The following PARD3B variants were observed in gnomAD, a reference collection of about 807,000 sequenced individuals.
PARD3B encodes the protein par-3 family cell polarity regulator beta.
PARD3B carries 103 observed loss-of-function variants against 130.2 expected under a neutral mutation model. The observed-to-expected ratio is 0.79, with a 90% confidence interval of 0.67 to 0.93. PARD3B has a LOEUF of 0.93. Among genes scored for constraint, PARD3B ranks in the 40% least tolerant of loss-of-function variants. The pLI is 0.00. For missense variants in PARD3B, 1,609 were observed against 1,499.2 expected, an observed-to-expected ratio of 1.07 and a Z score of -1.21; for synonymous variants, 583 against 553.2, an observed-to-expected ratio of 1.05 and a Z score of -0.76.
Position 204,919,506 on chromosome 2 carries a change from G to T in PARD3B, c.223-45646G>T, listed in dbSNP as rs568777230. Among the ~76,000 whole-genome samples the T allele has an allele frequency of 2.6e-5, 4 of 152,280 alleles. No individual in the cohort carries two copies. The East Asian group carries it at 7.7e-4, about 29-fold the overall frequency. On this transcript the variant is annotated intron_variant, in intron 2 of 22. Coordinates refer to ENST00000406610, the MANE Select transcript of PARD3B (RefSeq NM_001302769.2). ...TCATGTAAGTGAAATTATATGGTAT[G>T]TATTCATTTGTATAAGGCTTCTTTG...
intron 20 of PARD3B, among the ~76,000 whole-genome samples, chr2:205,475,269 C>G (rs2048986721): frequency 6.6e-6 from 1 of 152,080 alleles, no homozygotes; most frequent in African/African-American, 2.4e-5. Context: ...ATTGCTATGA[C>G]AACCCAGGCC....
At chr2:205,363,996 T>C (rs920363820) in intron 18 of PARD3B, among the ~76,000 whole-genome samples, 12 of 151,874 alleles carry the variant, frequency 7.9e-5, no homozygotes, top group Non-Finnish European at 1.5e-5. Flanking sequence ...CCATCTCCCA[T>C]GTGTAGTGAA....
At chr2:204,945,924 G>T (rs577611610) in intron 2 of PARD3B, among the ~76,000 whole-genome samples, 1 of 152,054 alleles carries the variant, frequency 6.6e-6, no homozygotes, top group East Asian at 1.9e-4. Context: ...TTGCAATTTC[G>T]TGCTCCCATG....
At chr2:204,861,481 A>G (rs1463168680) in intron 2 of PARD3B, among the ~76,000 whole-genome samples, 1 of 152,124 alleles carries the variant, frequency 6.6e-6, no homozygotes, top group Non-Finnish European at 1.5e-5. Context: ...TGAAGTTTAA[A>G]TTTTTGGTAT....
chr2:205,203,170 A>T (rs10174470), intron 15 of PARD3B, among the ~76,000 whole-genome samples: 4,309 of 152,292 alleles, frequency 0.028, 90 homozygotes, highest in East Asian at 0.082. Context: ...ATATTCTGCC[A>T]GTAACAAACC....
intron 2 of PARD3B, among the ~76,000 whole-genome samples, chr2:204,794,316 T>C (rs73066629): frequency 0.067 from 10,250 of 152,260 alleles, 476 homozygotes; most frequent in East Asian, 0.16. Context: ...AAGATTGTTT[T>C]TAAGTTTGAT....
chr2:204,933,926 T>G (rs771279590), intron 2 of PARD3B, among the ~76,000 whole-genome samples: 1 of 152,316 alleles, frequency 6.6e-6, no homozygotes, highest in African/African-American at 2.4e-5. Flanking sequence ...GATGCTTCCT[T>G]GTAATCAGAA....
At position 204,677,007 on chromosome 2, in the gene PARD3B, TCTAC is replaced by T. The variant is rs1230053386; in HGVS notation, c.121-9171_121-9168del. Among the ~76,000 whole-genome samples the T allele has an allele frequency of 1.3e-5, 2 of 152,152 alleles. No individual in the cohort carries two copies. The highest frequency in any genetic ancestry group is 4.8e-5 in the African/African-American group (2 of 41,428). ...TGAAGGATCTTTCTTACGCTGAGTT[TCTAC>T]CTCTCTATCGTCTATGTATCATTTC... is the stretch of plus-strand genomic sequence containing the variant. On this transcript the variant is annotated intron_variant, in intron 1 of 22. Coordinates refer to ENST00000406610, the MANE Select transcript of PARD3B (RefSeq NM_001302769.2). The surrounding 1 kb of genome is among the most constrained non-coding windows in gnomAD (Gnocchi z 4.1).
Position 205,105,792 on chromosome 2 carries a change from G to A in PARD3B, c.593+1278G>A, listed in dbSNP as rs917525476. 5.9e-5 allele frequency among the ~76,000 whole-genome samples: 9 copies of A among 151,468 alleles called. No homozygotes were observed. Among genetic ancestry groups the A allele is most frequent in the African/African-American group, 1.2e-4 (5 of 41,276 alleles). On this transcript the variant is annotated intron_variant, in intron 5 of 22. Transcript: ENST00000406610. The surrounding 1 kb of genome is among the most constrained non-coding windows in gnomAD (Gnocchi z 4.0). ...CTCTCTCTGAAGAAAAAAAAAAGGC[G>A]GGGGGATATGGGGTAGGGAGTAATA...
chr2:205,097,622 A>T (rs1342283759), intron 4 of PARD3B, among the ~76,000 whole-genome samples: 1 of 152,220 alleles, frequency 6.6e-6, no homozygotes. Context: ...CTACTGCAGT[A>T]GAACTTCAAG....
chr2:205,313,551 C>T (rs949274201), intron 18 of PARD3B, among the ~76,000 whole-genome samples: 5 of 152,078 alleles, frequency 3.3e-5, no homozygotes, highest in South Asian at 4.1e-4. Context: ...CTGTCCAAAG[C>T]GGTAAAATGA....
intron 15 of PARD3B, among the ~76,000 whole-genome samples, chr2:205,226,376 C>T (rs1163780004): frequency 6.6e-6 from 1 of 152,134 alleles, no homozygotes; most frequent in Non-Finnish European, 1.5e-5. Context: ...CCCATTTGCC[C>T]ATGTTTGCAG....
At chr2:204,672,949 A>T (rs139427554) in intron 1 of PARD3B, among the ~76,000 whole-genome samples, 174 of 152,352 alleles carry the variant, frequency 1.1e-3, no homozygotes, top group African/African-American at 4.0e-3. Flanking sequence ...TTTGGAATGT[A>T]AGAGTCTGTT....
chr2:204,991,342 T>C (rs1195460796), intron 3 of PARD3B, among the ~76,000 whole-genome samples: 1 of 145,990 alleles, frequency 6.8e-6, no homozygotes, highest in African/African-American at 2.6e-5. Context: ...TTTTTTGTTC[T>C]TGCGATAGTT....
chr2:205,032,213 G>A (rs1697476844), intron 3 of PARD3B, among the ~76,000 whole-genome samples: 1 of 151,910 alleles, frequency 6.6e-6, no homozygotes, highest in South Asian at 2.1e-4. Context: ...TCTGACACTG[G>A]GTGAATTAGC....
At chr2:205,012,047 C>G (rs2125310731) in intron 3 of PARD3B, among the ~76,000 whole-genome samples, 1 of 152,224 alleles carries the variant, frequency 6.6e-6, no homozygotes, top group South Asian at 2.1e-4. Context: ...AGCTGCTTTC[C>G]CCAATTCCTG....
At chr2:205,539,236 T>C (rs886541281) in intron 21 of PARD3B, among the ~76,000 whole-genome samples, 2 of 152,228 alleles carry the variant, frequency 1.3e-5, no homozygotes, top group Non-Finnish European at 2.9e-5. Flanking sequence ...AATAGTCTTA[T>C]GAGGAATTCA....
intron 2 of PARD3B, among the ~76,000 whole-genome samples, chr2:204,785,975 G>T (rs144731647): frequency 2.6e-5 from 4 of 151,942 alleles, no homozygotes. Context: ...ATAGCTGGGC[G>T]TAGGGGTGGG....
Position 205,063,353 on chromosome 2 carries a change from A to T in PARD3B, c.504+15663A>T, listed in dbSNP as rs114368861. ...ATAAAAAAATAAAATTTTATATTTTAAAAAATAAAGTCAAAATTTGAGTTT... is the reference window on the plus strand; with the variant it reads ...ATAAAAAAATAAAATTTTATATTTTTAAAAATAAAGTCAAAATTTGAGTTT... On this transcript the variant is annotated intron_variant, in intron 4 of 22. Coordinates refer to ENST00000406610, the MANE Select transcript of PARD3B (RefSeq NM_001302769.2). Among the ~76,000 whole-genome samples the T allele has an allele frequency of 8.5e-3, 1,290 of 152,126 alleles. 10 individuals are homozygous for T. The highest frequency in any genetic ancestry group is 0.029 in the African/African-American group (1,192 of 41,554).
Sources: gnomAD v4.1 joint callset for allele counts (sites outside exome capture counted in the v4.1 genomes callset) on GRCh38, gnomAD v4.1.1 for gene constraint, Gnocchi (gnomAD v3.1) non-coding constraint, MANE v1.5 for transcripts, NCBI Gene and HGNC (gene_info 2026-07-23, HGNC 2026-07-21) for gene names.